CCR6: variants seen among roughly 807,000 people sequenced by gnomAD.
CCR6 encodes the protein C-C motif chemokine receptor 6, also known as C-C chemokine receptor type 6.
Under a neutral mutation model 3.0 loss-of-function variants are expected in CCR6, and 2 were observed. That is an observed-to-expected ratio of 0.66 (90% CI 0.27 to 2.07). The LOEUF (loss-of-function observed/expected upper bound fraction) is 2.07, where lower values mean the gene tolerates loss of function less well. Among genes scored for constraint, CCR6 ranks in the 30% most tolerant of loss-of-function variants. The probability of loss-of-function intolerance (pLI) is 0.14; values close to 1 mark genes in which losing one functional copy is unlikely to be tolerated. For synonymous variants in CCR6, 193 were observed against 184.3 expected (o/e 1.05, Z -0.38); for missense variants, 322 against 462.8 (o/e 0.70, Z 2.79).
intron 1 of CCR6, chr6:167,126,241 T>TA (rs1405476614): frequency 6.6e-6 from 1 of 152,178 alleles, no homozygotes; most frequent in South Asian, 2.1e-4. Context: ...AAGCCTAAAA[T>TA]ACATACTGAA....
chr6:167,117,705 G>A (rs182450148), intron 1 of CCR6, among the ~76,000 whole-genome samples: 208 of 151,900 alleles, frequency 1.4e-3, no homozygotes, highest in Non-Finnish European at 1.4e-3. Flanking sequence ...GTGAGCCACC[G>A]CGCCCGGCCT....
At chr6:167,113,086 A>T (rs1175587080) in intron 1 of CCR6, among the ~76,000 whole-genome samples, 12 of 151,968 alleles carry the variant, frequency 7.9e-5, no homozygotes, top group Middle Eastern at 6.8e-3. Context: ...GAACCCTCTG[A>T]GGCCTGACTT....
At chr6:167,119,177 C>G (rs919568067), upstream of CCR6, 2 of 152,578 alleles carry the variant, frequency 1.3e-5, no homozygotes, top group African/African-American at 4.8e-5. Context: ...CCTTCCTCCC[C>G]CTGCCTACCT....
At chr6:167,129,110 T>C (rs183408238) in intron 1 of CCR6, among the ~76,000 whole-genome samples, 223 of 152,330 alleles carry the variant, frequency 1.5e-3, no homozygotes, top group Non-Finnish European at 2.5e-3. Flanking sequence ...CCGAAATCAG[T>C]GCAGTGTCCA....
intron 1 of CCR6, among the ~76,000 whole-genome samples, chr6:167,130,372 A>T (rs1781734685): frequency 6.6e-6 from 1 of 151,770 alleles, no homozygotes; most frequent in Non-Finnish European, 1.5e-5. Context: ...CTACTAAAAA[A>T]CTTCTTAGTG....
At chr6:167,130,755 G>A (rs929219788) in intron 1 of CCR6, among the ~76,000 whole-genome samples, 1 of 151,796 alleles carries the variant, frequency 6.6e-6, no homozygotes, top group African/African-American at 2.4e-5. Context: ...AAGAGACATG[G>A]AATTTATCAA....
chr6:167,130,985 C>T (rs1388401937), intron 1 of CCR6, among the ~76,000 whole-genome samples: 1 of 109,804 alleles, frequency 9.1e-6, no homozygotes, highest in East Asian at 2.6e-4. Flanking sequence ...CACCCTCCCT[C>T]TGGACCCCCT....
At chr6:167,132,664 C>G (rs997761381) in intron 1 of CCR6, among the ~76,000 whole-genome samples, 1 of 152,170 alleles carries the variant, frequency 6.6e-6, no homozygotes, top group Non-Finnish European at 1.5e-5. Flanking sequence ...CCTCAGCCCC[C>G]CAAGTAGCTG....
Position 167,137,153 on chromosome 6 carries a change from A to G in CCR6, c.923A>G (p.His308Arg), listed in dbSNP as rs1216496318. ...KTVTEVLAFL[H>R]CCLNPVLYAF... ...GTCACAGAAGTCCTGGCTTTCCTGC[A>G]CTGCTGCCTGAACCCTGTGCTCTAC... The change falls in exon 3 of 3, where the codon CAC (histidine) becomes CGC (arginine). Residue 308 changes from histidine (H) to arginine (R), a missense_variant. His to Arg is a conservative substitution (Grantham distance 29, BLOSUM62 0). Coordinates refer to ENST00000341935, the MANE Select transcript of CCR6 (RefSeq NM_031409.4). The surrounding 1 kb of genome is among the most constrained non-coding windows in gnomAD (Gnocchi z 4.6). 3 of 1,614,184 alleles carry G rather than the reference A, an allele frequency of 1.9e-6. No homozygotes were observed. The highest frequency in any genetic ancestry group is 1.7e-5 in the Admixed American group (1 of 60,018).
At chr6:167,132,624 T>C (rs1781786273) in intron 1 of CCR6, among the ~76,000 whole-genome samples, 1 of 152,192 alleles carries the variant, frequency 6.6e-6, no homozygotes. Flanking sequence ...CATTGCAACC[T>C]CCGCCTCCCG....
At chr6:167,124,715 G>A (rs1781642534) in intron 1 of CCR6, among the ~76,000 whole-genome samples, 1 of 152,132 alleles carries the variant, frequency 6.6e-6, no homozygotes, top group Admixed American at 6.6e-5. Flanking sequence ...AAAGGGTTTT[G>A]TGAGGTTAAA....
At chr6:167,117,029 G>C (rs9459883) in intron 1 of CCR6, 26,547 of 152,220 alleles carry the variant, frequency 0.17, 3,656 homozygotes, top group African/African-American at 0.37. Context: ...CTCCTGTGGC[G>C]GGAGAGCTGT....
At position 167,136,022 on chromosome 6, in the gene CCR6, C is replaced by T; in HGVS notation, c.-97-16C>T. The stretch of plus-strand genomic sequence containing the variant: ...CTGTGTTAACTGTAGTGCATTTTGC[C>T]TTCTTTCCTTCTTAGAGTCACCTCT... On this transcript the variant is annotated splice_polypyrimidine_tract_variant and intron_variant, in intron 1 of 2. Transcript: ENST00000341935. The surrounding 1 kb of genome is among the most constrained non-coding windows in gnomAD (Gnocchi z 4.6). The T allele has an allele frequency of 8.2e-7, 1 of 1,224,662 alleles. No individual in the cohort carries two copies. The highest frequency in any genetic ancestry group is 1.2e-6 in the Non-Finnish European group (1 of 862,778). 75.9% of individuals were successfully genotyped at this position (1,224,662 alleles called of 1,614,324 possible).
upstream of CCR6, among the ~76,000 whole-genome samples, chr6:167,117,828 A>G (rs1308111336): frequency 6.6e-6 from 1 of 152,076 alleles, no homozygotes; most frequent in East Asian, 1.9e-4. Flanking sequence ...TCTCACTTGG[A>G]CATTCTTAAA....
Position 167,136,812 on chromosome 6 carries a change from C to A in CCR6, c.582C>A (p.Ser194Arg), listed in dbSNP as rs201679638. The change falls in exon 3 of 3, where the codon AGC becomes AGA. Residue 194 changes from serine to arginine, a missense_variant. Coordinates refer to ENST00000341935, the MANE Select transcript of CCR6 (RefSeq NM_031409.4). The surrounding 1 kb of genome is among the most constrained non-coding windows in gnomAD (Gnocchi z 4.6). Reference protein sequence around the residue: ...VFNQKYNTQGSDVCEPKYQTV... With the variant: ...VFNQKYNTQGRDVCEPKYQTV... Reference sequence around the variant, plus strand: ...ACCAAAAATACAACACCCAAGGCAGCGATGTCTGTGAACCCAAGTACCAGA... The same window carrying A: ...ACCAAAAATACAACACCCAAGGCAGAGATGTCTGTGAACCCAAGTACCAGA... 1.9e-6 allele frequency: 3 copies of A among 1,613,970 alleles called. No homozygotes were observed. The African/African-American group carries it at 4.0e-5, about 22-fold the overall frequency.
chr6:167,121,936 G>A (rs1175969970), upstream of CCR6, among the ~76,000 whole-genome samples: 1 of 152,160 alleles, frequency 6.6e-6, no homozygotes, highest in Non-Finnish European at 1.5e-5. Flanking sequence ...CTTTGGAGGG[G>A]ACCCTGGACA....
At chr6:167,121,699 TCA>T, upstream of CCR6, among the ~76,000 whole-genome samples, 2 of 152,238 alleles carry the variant, frequency 1.3e-5, no homozygotes, top group East Asian at 3.9e-4. Context: ...AGGGCTTCTC[TCA>T]GATGGAGGAG....
At chr6:167,117,423 T>C (rs1228547943) in intron 1 of CCR6, among the ~76,000 whole-genome samples, 33 of 142,162 alleles carry the variant, frequency 2.3e-4, no homozygotes, top group Non-Finnish European at 4.5e-4. Flanking sequence ...TTCTTTTTTT[T>C]TTTTTTTTTT....
Position 167,136,816 on chromosome 6 carries a change from G to A in CCR6, c.586G>A (p.Val196Ile), listed in dbSNP as rs148691421. ...NQKYNTQGSD[V>I]CEPKYQTVSE... Reference sequence around the variant, plus strand: ...AAAATACAACACCCAAGGCAGCGATGTCTGTGAACCCAAGTACCAGACTGT... The same window carrying A: ...AAAATACAACACCCAAGGCAGCGATATCTGTGAACCCAAGTACCAGACTGT... Residue 196 changes from valine to isoleucine, a missense_variant, in exon 3 of 3, where the codon GTC becomes ATC. By Grantham distance (29) the Val-to-Ile change is conservative (BLOSUM62 3). Coordinates refer to ENST00000341935, the MANE Select transcript of CCR6 (RefSeq NM_031409.4). This position sits in a 1 kb window ranked among gnomAD's most constrained non-coding sequence, Gnocchi z 4.6. The A allele has an allele frequency of 9.9e-6, 16 of 1,613,988 alleles. No individual in the cohort carries two copies. The South Asian group carries it at 1.6e-4, about 17-fold the overall frequency.
Sources: allele counts gnomAD v4.1 joint callset (sites outside exome capture counted in the v4.1 genomes callset), GRCh38; gene constraint gnomAD v4.1.1; non-coding constraint Gnocchi (gnomAD v3.1); transcripts MANE v1.5; gene names NCBI Gene and HGNC (gene_info 2026-07-23, HGNC 2026-07-21).